HSD17B3: variants seen among roughly 807,000 people sequenced by gnomAD.
HSD17B3 encodes 17-beta-hydroxysteroid dehydrogenase type 3.
A neutral mutation model predicts 41.1 loss-of-function variants in HSD17B3; 29 were observed. The observed-to-expected ratio is 0.71, with a 90% confidence interval of 0.53 to 0.96. The LOEUF (loss-of-function observed/expected upper bound fraction) is 0.96. HSD17B3 is among the 40% of genes least tolerant of loss of function. The probability of loss-of-function intolerance (pLI) is 0.00; values close to 1 mark genes in which losing one functional copy is unlikely to be tolerated. For synonymous variants in HSD17B3, 126 were observed against 145.6 expected (o/e 0.87, Z 0.97); for missense variants, 323 against 374.6 (o/e 0.86, Z 1.14).
intron 8 of HSD17B3, 78 bp downstream of exon 8, chr9:96,245,267 C>T (rs1485612711): frequency 9.1e-7 from 1 of 1,102,972 alleles, no homozygotes; most frequent in African/African-American, 1.5e-5. Flanking sequence ...ATCAACTTGC[C>T]AGATGATCAA....
At chr9:96,278,637 C>T (rs1349066287) in intron 2 of HSD17B3, among the ~76,000 whole-genome samples, 2 of 152,146 alleles carry the variant, frequency 1.3e-5, no homozygotes, top group Non-Finnish European at 2.9e-5. Context: ...CCTAAGGGAA[C>T]TCTGTCTACA....
chr9:96,263,456 G>A (rs1311792194), intron 2 of HSD17B3, among the ~76,000 whole-genome samples: 2 of 151,952 alleles, frequency 1.3e-5, no homozygotes, highest in Admixed American at 6.6e-5. Context: ...GGTGGCTCAC[G>A]CCTGTAATCC....
At chr9:96,244,237 G>A (rs761898320) in intron 9 of HSD17B3, 92 bp downstream of exon 9, 5 of 1,274,218 alleles carry the variant, frequency 3.9e-6, no homozygotes, top group Non-Finnish European at 5.7e-6. Flanking sequence ...AGTGGCCCCA[G>A]CCACGGGAGG....
chr9:96,243,897 T>C (rs1836550584), intron 9 of HSD17B3, among the ~76,000 whole-genome samples: 1 of 152,176 alleles, frequency 6.6e-6, no homozygotes, highest in African/African-American at 2.4e-5. Flanking sequence ...CCTCCCCTCA[T>C]TCAAACTCGG....
chr9:96,245,963 T>C (rs1836646835), intron 7 of HSD17B3, among the ~76,000 whole-genome samples: 1 of 152,182 alleles, frequency 6.6e-6, no homozygotes, highest in South Asian at 2.1e-4. Context: ...TTCTTAATCC[T>C]TCCCAATTAG....
rs568410148 is a variant in HSD17B3 at position 96,259,920 on chromosome 9, C to A, written c.202-4977G>T. Among the ~76,000 whole-genome samples, 7 of 152,308 alleles carry A rather than the reference C, an allele frequency of 4.6e-5. No individual in the cohort carries two copies. The East Asian group carries it at 1.2e-3, about 25-fold the overall frequency. Reference sequence around the variant, plus strand: ...TCACCATAGACAATAGTATTCTCTACAAAGAGTACAGTCTTGTCCCTTTCT... The same window carrying A: ...TCACCATAGACAATAGTATTCTCTAAAAAGAGTACAGTCTTGTCCCTTTCT... On this transcript the variant is annotated intron_variant, in intron 2 of 10. Coordinates refer to ENST00000375263, the MANE Select transcript of HSD17B3 (RefSeq NM_000197.2).
At chr9:96,283,021 T>TTA (rs1554701739) in intron 2 of HSD17B3, among the ~76,000 whole-genome samples, 2 of 120,206 alleles carry the variant, frequency 1.7e-5, no homozygotes, top group African/African-American at 6.8e-5. Context: ...TTTTTTTTTT[T>TTA]AGAGATGGAG....
intron 4 of HSD17B3, among the ~76,000 whole-genome samples, chr9:96,251,731 A>G (rs561707740): frequency 6.6e-6 from 1 of 152,236 alleles, no homozygotes; most frequent in African/African-American, 2.4e-5. Context: ...ATGGGAGAAC[A>G]TGCATGATGT....
At chr9:96,241,035 T>C in intron 9 of HSD17B3, 128 bp from the exon 10 acceptor site, 3 of 1,159,094 alleles carry the variant, frequency 2.6e-6, no homozygotes, top group Non-Finnish European at 3.7e-6. Context: ...TTTTAAGATC[T>C]TGAGTGGAAA....
intron 2 of HSD17B3, among the ~76,000 whole-genome samples, chr9:96,278,535 G>C (rs1215730310): frequency 2.6e-5 from 4 of 152,054 alleles, no homozygotes; most frequent in African/African-American, 9.7e-5. Context: ...GTGTGGAGAG[G>C]GTGGGTGCTG....
intron 2 of HSD17B3, among the ~76,000 whole-genome samples, chr9:96,294,359 C>T (rs1281685859): frequency 6.6e-6 from 1 of 152,208 alleles, no homozygotes; most frequent in Non-Finnish European, 1.5e-5. Flanking sequence ...GACCCAGAAG[C>T]GCAGAATGGA....
intron 5 of HSD17B3, chr9:96,250,532 T>C (rs953204799): frequency 1.9e-5 from 19 of 982,890 alleles, no homozygotes; most frequent in Non-Finnish European, 2.2e-5. Context: ...CAGATTGGTG[T>C]AGCCCTAATG....
At chr9:96,282,996 T>TG (rs1564056172) in intron 2 of HSD17B3, among the ~76,000 whole-genome samples, 1 of 90,722 alleles carries the variant, frequency 1.1e-5, no homozygotes, top group Non-Finnish European at 2.3e-5. Context: ...TTCTTTCTTT[T>TG]TTTTTTTTTT....
intron 2 of HSD17B3, among the ~76,000 whole-genome samples, chr9:96,258,144 G>A (rs919058726): frequency 6.6e-6 from 1 of 152,132 alleles, no homozygotes; most frequent in African/African-American, 2.4e-5. Context: ...CATGTACATA[G>A]CAAGTATTTT....
intron 2 of HSD17B3, among the ~76,000 whole-genome samples, chr9:96,294,705 T>C (rs1587792921): frequency 1.3e-5 from 2 of 152,338 alleles, no homozygotes; most frequent in East Asian, 3.9e-4. Flanking sequence ...AATCGTTATA[T>C]AAAAGGTTAT....
chr9:96,299,765 T>G (rs1426106901), intron 1 of HSD17B3, among the ~76,000 whole-genome samples: 2 of 152,106 alleles, frequency 1.3e-5, no homozygotes, highest in Non-Finnish European at 2.9e-5. Context: ...GAATATACAC[T>G]AAGAAAAGAA....
chr9:96,288,446 C>T (rs1827010192), intron 2 of HSD17B3, among the ~76,000 whole-genome samples: 1 of 152,104 alleles, frequency 6.6e-6, no homozygotes, highest in African/African-American at 2.4e-5. Context: ...AAGTTCCCCC[C>T]AACCTGCAAT....
At chr9:96,248,907 A>ATTT (rs11417524) in intron 6 of HSD17B3, among the ~76,000 whole-genome samples, 2 of 142,246 alleles carry the variant, frequency 1.4e-5, no homozygotes, top group Non-Finnish European at 3.1e-5. Flanking sequence ...ATCCACAGCC[A>ATTT]TTTTTTTTTT....
chr9:96,259,663 G>A (rs1394976714), intron 2 of HSD17B3, among the ~76,000 whole-genome samples: 1 of 151,972 alleles, frequency 6.6e-6, no homozygotes. Context: ...TGAGCTTGCA[G>A]TGAGCCGAGA....
Sources: allele counts gnomAD v4.1 joint callset (sites outside exome capture counted in the v4.1 genomes callset), GRCh38; gene constraint gnomAD v4.1.1; transcripts MANE v1.5; gene names NCBI Gene and HGNC (gene_info 2026-07-23, HGNC 2026-07-21).